Variants in PPP1R37 observed in about 807,000 individuals in gnomAD.
The protein encoded by PPP1R37 is protein phosphatase 1 regulatory subunit 37, also known as leucine rich repeat containing 68.
In PPP1R37, 21 loss-of-function variants were observed where a neutral mutation model predicts 61.0. That is an observed-to-expected ratio of 0.34 (90% CI 0.24 to 0.50). The LOEUF (loss-of-function observed/expected upper bound fraction) is 0.50, where lower values mean the gene tolerates loss of function less well. Among genes scored for constraint, PPP1R37 ranks in the 20% least tolerant of loss-of-function variants. The pLI is 0.98. For synonymous variants in PPP1R37, 443 were observed against 433.5 expected (o/e 1.02, Z -0.27); for missense variants, 910 against 952.7 (o/e 0.96, Z 0.59).
In PPP1R37 at chr19:45,140,703, T is replaced by G. The variant is rs1016064869; in HGVS notation, c.447+97T>G. Reference sequence around the variant, plus strand: ...GACACTGCAGGAGGAGGGGGTCCCCTAGACAAAGGCTGAGGGGTGGCGCAA... The same window carrying G: ...GACACTGCAGGAGGAGGGGGTCCCCGAGACAAAGGCTGAGGGGTGGCGCAA... On this transcript the variant is annotated intron_variant, in intron 4 of 12. Transcript: ENST00000221462. The G allele has an allele frequency of 1.8e-5, 16 of 885,658 alleles. No individual in the cohort carries two copies. In the African/African-American group the frequency reaches 2.7e-4, roughly 15 times the overall value. The allele number at this position is 885,658 out of a possible 1,614,324, so 54.9% of individuals were successfully genotyped here.
chr19:45,145,300 A>AG (rs1006076672), intron 10 of PPP1R37, 40 bp downstream of exon 10: 1 of 1,520,906 alleles, frequency 6.6e-7, no homozygotes, highest in African/African-American at 1.4e-5. Flanking sequence ...GGCGGGCGGA[A>AG]GGCCGGGTGG....
rs1231196180 is a variant in PPP1R37, at chr19:45,145,577, A to G, written c.1521A>G (p.Ser507=). The change falls in exon 11 of 13, where the codon TCA becomes TCG. Residue 507 remains serine (S), a synonymous_variant. Transcript: ENST00000221462. The part of the protein sequence containing the change: ...PSPAPSPDSD[S]DSDSDGEEEE... Reference sequence around the variant, plus strand: ...CCGCACCCAGCCCGGACTCAGACTCAGACTCGGACTCGGATGGGGAGGAAG... The same window carrying G: ...CCGCACCCAGCCCGGACTCAGACTCGGACTCGGACTCGGATGGGGAGGAAG... 5.9e-6 allele frequency: 9 copies of G among 1,535,194 alleles called. No homozygotes were observed. The highest frequency in any genetic ancestry group is 1.2e-5 in the South Asian group (1 of 84,042).
chr19:45,143,460 A>C, intron 7 of PPP1R37, 61 bp from the exon 8 acceptor site: 1 of 994,788 alleles, frequency 1.0e-6, no homozygotes, highest in East Asian at 2.6e-5. Context: ...CCTACCCTGC[A>C]GTCCCCTCCC....
In PPP1R37 at chr19:45,145,809, G is replaced by A. The variant is rs1051692067; in HGVS notation, c.1753G>A (p.Ala585Thr). The stretch of plus-strand genomic sequence containing the variant: ...CCCGCCCGAGAGGGCAGAGCCCCCT[G>A]CGTCCCCCACCCCTCCCTCTCCCCC... ...ESPPERAEPP[A>T]SPTPPSPPPP... The change falls in exon 11 of 13, where the codon GCG becomes ACG. Residue 585 changes from alanine to threonine, a missense_variant. Ala to Thr is a moderately conservative substitution (Grantham distance 58, BLOSUM62 0). Around this residue, in one of 3 missense-constraint regions of PPP1R37, gnomAD observed 549 missense variants for 505.1 expected, o/e 1.09. Transcript: ENST00000221462. 2.9e-5 allele frequency: 42 copies of A among 1,464,358 alleles called. No individual in the cohort carries two copies. Among genetic ancestry groups the A allele is most frequent in the Non-Finnish European group, 3.6e-5 (40 of 1,110,188 alleles). 90.7% of individuals were successfully genotyped at this position (1,464,358 alleles called of 1,614,324 possible).
intron 1 of PPP1R37, among the ~76,000 whole-genome samples, chr19:45,124,392 A>G (rs1968376027): frequency 6.6e-6 from 1 of 152,184 alleles, no homozygotes; most frequent in Non-Finnish European, 1.5e-5. Flanking sequence ...GGAGAGGTCC[A>G]GATTGTCTAT....
At chr19:45,144,713 C>T (rs1385450061) in intron 8 of PPP1R37, 141 bp from the exon 9 acceptor site, 3 of 694,072 alleles carry the variant, frequency 4.3e-6, no homozygotes, top group Non-Finnish European at 6.9e-6. Flanking sequence ...CAGGGCAGGA[C>T]GGCGCCGGTG....
Sources: allele counts gnomAD v4.1 joint callset (sites outside exome capture counted in the v4.1 genomes callset), GRCh38; gene constraint gnomAD v4.1.1; regional missense constraint gnomAD v4.1.1; transcripts MANE v1.5; gene names NCBI Gene and HGNC (gene_info 2026-07-23, HGNC 2026-07-21).